Variants in ZFHX4 observed in about 807,000 individuals in gnomAD.
ZFHX4 encodes the protein zinc finger homeobox 4.
A neutral mutation model predicts 267.6 loss-of-function variants in ZFHX4; 56 were observed. That is an observed-to-expected ratio of 0.21 (90% CI 0.17 to 0.26). The LOEUF (loss-of-function observed/expected upper bound fraction) is 0.26. Ranked by LOEUF, ZFHX4 falls within the 10% of genes least tolerant of loss-of-function variation. The probability of loss-of-function intolerance (pLI) is 1.00; values close to 1 mark genes in which losing one functional copy is unlikely to be tolerated. For synonymous variants in ZFHX4, 1,778 were observed against 1,665.6 expected, an observed-to-expected ratio of 1.07 and a Z score of -1.64; for missense variants, 4,332 against 4,420.0, an observed-to-expected ratio of 0.98 and a Z score of 0.56.
At chr8:76,756,891 A>T (rs1384056584) in intron 3 of ZFHX4, among the ~76,000 whole-genome samples, 3 of 152,190 alleles carry the variant, frequency 2.0e-5, no homozygotes, top group Non-Finnish European at 2.9e-5. Context: ...CCAAATTTTT[A>T]AAAAAGGTTA....
At chr8:76,829,563 C>G (rs544501704) in intron 4 of ZFHX4, among the ~76,000 whole-genome samples, 3 of 152,078 alleles carry the variant, frequency 2.0e-5, no homozygotes, top group Non-Finnish European at 4.4e-5. Flanking sequence ...GTAATTCCAG[C>G]ACTTTGGGAG....
At position 76,863,938 on chromosome 8, in the gene ZFHX4, C is replaced by A; in HGVS notation, c.10224C>A (p.Cys3408Ter). ...FVKYEFICRK[C>*]QMMFTDEDAA... ...AGTATGAGTTTATATGCAGAAAGTG[C>A]CAGATGATGTTTACTGATGAAGACG... The change falls in exon 11 of 11, where the codon TGC becomes TGA. Residue 3408 changes from cysteine (C) to a stop codon, truncating the protein, a stop_gained. Transcript: ENST00000651372. LOFTEE classifies it high-confidence loss of function. 6.2e-7 allele frequency: 1 copy of A among 1,602,414 alleles called. No individual in the cohort carries two copies. Among genetic ancestry groups the A allele is most frequent in the Non-Finnish European group, 8.5e-7 (1 of 1,174,012 alleles).
chr8:76,840,856 C>T (rs1176131684), intron 5 of ZFHX4, among the ~76,000 whole-genome samples: 1 of 152,214 alleles, frequency 6.6e-6, no homozygotes, highest in Non-Finnish European at 1.5e-5. Flanking sequence ...TCCAGCCTCC[C>T]AAATCCAGCT....
At position 76,765,668 on chromosome 8, in the gene ZFHX4, C is replaced by T. The variant is rs951860501; in HGVS notation, c.3094-12540C>T. 7.9e-5 allele frequency among the ~76,000 whole-genome samples: 12 copies of T among 151,994 alleles called. No individual in the cohort carries two copies. In the East Asian group the frequency reaches 9.6e-4, roughly 12 times the overall value. On this transcript the variant is annotated intron_variant, in intron 3 of 10. Transcript: ENST00000651372. ...TTTCATTAGGTTAAAGGAATTAAAA[C>T]GTCAGAAAATAAACTGTCACAAAAA...
In ZFHX4 at chr8:76,745,163, TG is replaced by T. The variant is rs143049834; in HGVS notation, c.3094-33042del. The stretch of plus-strand genomic sequence containing the variant: ...AAAAATCAGCTCTGCTGGAGCACCA[TG>T]GGTATGATGCATGGATCAAGCATCA... On this transcript the variant is annotated intron_variant, in intron 3 of 10. Coordinates refer to ENST00000651372, the MANE Select transcript of ZFHX4 (RefSeq NM_024721.5). Among the ~76,000 whole-genome samples, 70 of 152,284 alleles carry T rather than the reference TG, an allele frequency of 4.6e-4. 1 individual carries two copies. Among genetic ancestry groups the T allele is most frequent in the African/African-American group, 1.7e-3 (69 of 41,568 alleles).
At chr8:76,756,458 G>A (rs1293739292) in intron 3 of ZFHX4, among the ~76,000 whole-genome samples, 2 of 151,752 alleles carry the variant, frequency 1.3e-5, no homozygotes, top group African/African-American at 2.4e-5. Flanking sequence ...TGGGTGGGTA[G>A]AGGCTCATAC....
At chr8:76,686,392 C>T (rs1297476734) in intron 1 of ZFHX4, among the ~76,000 whole-genome samples, 1 of 152,082 alleles carries the variant, frequency 6.6e-6, no homozygotes, top group East Asian at 1.9e-4. Context: ...GGACTGGTGG[C>T]CACGCTTCTG....
chr8:76,816,590 C>CT (rs950143569), intron 4 of ZFHX4, among the ~76,000 whole-genome samples: 8,909 of 113,028 alleles, frequency 0.079, 536 homozygotes, highest in African/African-American at 0.12. Context: ...ATTTAAATGT[C>CT]TTTTTTTTTT....
intron 4 of ZFHX4, among the ~76,000 whole-genome samples, chr8:76,810,898 C>G (rs1354749856): frequency 6.6e-6 from 1 of 152,050 alleles, no homozygotes; most frequent in Admixed American, 6.6e-5. Flanking sequence ...ATGTTTCCTT[C>G]CTTCCTTTCT....
At chr8:76,806,192 T>G (rs1811241005) in intron 4 of ZFHX4, among the ~76,000 whole-genome samples, 1 of 152,114 alleles carries the variant, frequency 6.6e-6, no homozygotes, top group Non-Finnish European at 1.5e-5. Flanking sequence ...AATTACAACA[T>G]CCCACTCAAA....
intron 3 of ZFHX4, among the ~76,000 whole-genome samples, chr8:76,745,412 G>T (rs191866499): frequency 6.6e-6 from 1 of 152,112 alleles, no homozygotes; most frequent in African/African-American, 2.4e-5. Flanking sequence ...TTGGAGGATT[G>T]ATTTAAAAAG....
chr8:76,862,944 T>A, intron 10 of ZFHX4, 150 bp from the exon 11 acceptor site: 2 of 1,160,054 alleles, frequency 1.7e-6, no homozygotes, highest in Non-Finnish European at 2.3e-6. Flanking sequence ...GTTGAAGTTC[T>A]AGGTGGTGAT....
intron 4 of ZFHX4, among the ~76,000 whole-genome samples, chr8:76,831,219 T>C (rs969969230): frequency 6.6e-6 from 1 of 152,210 alleles, no homozygotes; most frequent in Non-Finnish European, 1.5e-5. Context: ...TTTTCATTAA[T>C]CTTTAAGGAA....
chr8:76,769,435 G>T (rs186453235), intron 3 of ZFHX4, among the ~76,000 whole-genome samples: 2 of 151,636 alleles, frequency 1.3e-5, no homozygotes, highest in African/African-American at 4.8e-5. Flanking sequence ...CTATGGCCTT[G>T]ACCTCCCAGG....
intron 8 of ZFHX4, 112 bp downstream of exon 8, chr8:76,849,824 C>G (rs551450882): frequency 8.4e-7 from 1 of 1,186,996 alleles, no homozygotes; most frequent in Non-Finnish European, 1.2e-6. Flanking sequence ...CTAATTAAAG[C>G]TCTGTTATTG....
At chr8:76,794,416 T>C (rs1266432810) in intron 4 of ZFHX4, among the ~76,000 whole-genome samples, 1 of 152,162 alleles carries the variant, frequency 6.6e-6, no homozygotes, top group Non-Finnish European at 1.5e-5. Context: ...GGTTCACATA[T>C]ACAGAATCCA....
At position 76,854,413 on chromosome 8, in the gene ZFHX4, T is replaced by C; in HGVS notation, c.7492T>C (p.Cys2498Arg). 1.2e-6 allele frequency: 2 copies of C among 1,613,972 alleles called. No individual in the cohort carries two copies. The highest frequency in any genetic ancestry group is 1.1e-5 in the South Asian group (1 of 91,080). Reference sequence around the variant, plus strand: ...GTTACTACAATACCAATGTGATCAGTGTACAGTTGCCTTCCCAACTCTGGA... The same window carrying C: ...GTTACTACAATACCAATGTGATCAGCGTACAGTTGCCTTCCCAACTCTGGA... The part of the protein sequence containing the change: ...PQLLQYQCDQ[C>R]TVAFPTLELW... The change falls in exon 10 of 11, where the codon TGT (cysteine) becomes CGT (arginine). Residue 2498 changes from cysteine to arginine, a missense_variant. Around this residue, in one of 7 missense-constraint regions of ZFHX4, gnomAD observed 1,648 missense variants for 1,625.0 expected, o/e 1.01. Transcript: ENST00000651372.
At chr8:76,805,697 AG>A (rs971052925) in intron 4 of ZFHX4, among the ~76,000 whole-genome samples, 3 of 151,908 alleles carry the variant, frequency 2.0e-5, no homozygotes, top group Non-Finnish European at 4.4e-5. Flanking sequence ...ATGTCTCAGC[AG>A]GGAATTCCAG....
chr8:76,849,123 G>C lies in ZFHX4; in HGVS notation c.3640G>C (p.Glu1214Gln), dbSNP rs752527681. 3.2e-6 allele frequency: 5 copies of C among 1,550,034 alleles called. No individual in the cohort carries two copies. In the Admixed American group the frequency reaches 1.0e-4, roughly 31 times the overall value. ...KPTEDNKFCH[E>Q]QFYQCPYCNY... is the part of the protein sequence containing the mutation. Reference sequence around the variant, plus strand: ...TACAGAGGACAATAAATTCTGTCATGAACAGGTAAATACTTTTTTTCCCCT... The same window carrying C: ...TACAGAGGACAATAAATTCTGTCATCAACAGGTAAATACTTTTTTTCCCCT... Residue 1214 changes from glutamate to glutamine, a missense_variant, in exon 7 of 11, where the codon GAA (glutamate) becomes CAA (glutamine). This residue lies in a region of ZFHX4 where 1,371 missense variants were observed against 1,423.1 expected (regional missense o/e 0.96). Transcript: ENST00000651372.
Sources: gnomAD v4.1 joint callset for allele counts (sites outside exome capture counted in the v4.1 genomes callset) on GRCh38, gnomAD v4.1.1 for gene constraint, gnomAD v4.1.1 regional missense constraint, MANE v1.5 for transcripts, NCBI Gene and HGNC (gene_info 2026-07-23, HGNC 2026-07-21) for gene names.